Variants in TDRD1 observed in about 807,000 individuals in gnomAD.
TDRD1 encodes the protein tudor domain containing 1, also known as tudor domain-containing protein 1.
TDRD1 carries 37 observed loss-of-function variants against 140.6 expected under a neutral mutation model. The ratio of observed to expected loss-of-function variants is 0.26; its 90% CI spans 0.20 to 0.35. The LOEUF (loss-of-function observed/expected upper bound fraction) is 0.35. Ranked by LOEUF, TDRD1 falls within the 10% of genes least tolerant of loss-of-function variation. TDRD1 has a pLI of 1.00. For synonymous variants in TDRD1, 506 were observed against 475.7 expected, an observed-to-expected ratio of 1.06 and a Z score of -0.83; for missense variants, 1,243 against 1,393.0, an observed-to-expected ratio of 0.89 and a Z score of 1.71.
At chr10:114,195,309 C>T (rs1407109124) in intron 3 of TDRD1, among the ~76,000 whole-genome samples, 1 of 152,108 alleles carries the variant, frequency 6.6e-6, no homozygotes, top group South Asian at 2.1e-4. Flanking sequence ...GAATGTGCCT[C>T]GTCTGTTGTT....
upstream of TDRD1, among the ~76,000 whole-genome samples, chr10:114,177,411 G>A (rs974442731): frequency 2.6e-5 from 4 of 152,090 alleles, no homozygotes; most frequent in African/African-American, 9.7e-5. Flanking sequence ...AATAAAAATG[G>A]CATTTTTACC....
At chr10:114,230,687 T>A (rs1456942690) in intron 25 of TDRD1, among the ~76,000 whole-genome samples, 1 of 152,230 alleles carries the variant, frequency 6.6e-6, no homozygotes, top group African/African-American at 2.4e-5. Flanking sequence ...TGTACATGAT[T>A]GCTTAAGCAT....
intron 4 of TDRD1, among the ~76,000 whole-genome samples, chr10:114,200,871 T>G (rs865972287): frequency 9.1e-6 from 1 of 109,482 alleles, no homozygotes; most frequent in African/African-American, 3.7e-5. Context: ...TTTTTTTTTT[T>G]GAGACAGAGT....
intron 2 of TDRD1, among the ~76,000 whole-genome samples, chr10:114,188,820 G>A (rs1244861438): frequency 1.4e-5 from 2 of 145,078 alleles, no homozygotes; most frequent in South Asian, 2.2e-4. Flanking sequence ...TCGTGCCACT[G>A]TACTCCAGCC....
chr10:114,200,530 A>G (rs1265792829), intron 4 of TDRD1, among the ~76,000 whole-genome samples: 1 of 152,090 alleles, frequency 6.6e-6, no homozygotes, highest in East Asian at 1.9e-4. Context: ...ATACACAGCC[A>G]TTTCAGTCGC....
chr10:114,229,376 G>A (rs76077972), intron 25 of TDRD1, among the ~76,000 whole-genome samples: 13 of 152,020 alleles, frequency 8.6e-5, no homozygotes, highest in South Asian at 2.1e-4. Context: ...GTTTCTTTGC[G>A]TTTTAAGAAA....
At chr10:114,193,585 G>A (rs374721515) in intron 3 of TDRD1, among the ~76,000 whole-genome samples, 13 of 152,260 alleles carry the variant, frequency 8.5e-5, no homozygotes, top group African/African-American at 1.9e-4. Context: ...GTGAGCCACC[G>A]GGACCAGCCA....
chr10:114,177,947 C>G (rs1226771303), upstream of TDRD1, among the ~76,000 whole-genome samples: 1 of 151,484 alleles, frequency 6.6e-6, no homozygotes, highest in East Asian at 1.9e-4. Flanking sequence ...ATTCTCCTGC[C>G]TTAGTTTCCC....
exon 4 of TDRD1, chr10:114,199,211 A>G: frequency 6.2e-7 from 1 of 1,614,058 alleles, no homozygotes; most frequent in Non-Finnish European, 8.5e-7. Flanking sequence ...AATCAAAAAA[A>G]CTAAACAAGT....
At chr10:114,229,627 C>G (rs2036638967) in intron 25 of TDRD1, among the ~76,000 whole-genome samples, 1 of 147,106 alleles carries the variant, frequency 6.8e-6, no homozygotes, top group African/African-American at 2.5e-5. Context: ...CGGCTCACTG[C>G]AAGCTCCACC....
chr10:114,206,621 T>G lies in TDRD1; in HGVS notation c.1384+291T>G, dbSNP rs867251445. Among the ~76,000 whole-genome samples the G allele has an allele frequency of 4.2e-4, 63 of 150,456 alleles. 1 individual carries two copies. Among genetic ancestry groups the G allele is most frequent in the African/African-American group, 1.3e-3 (52 of 40,836 alleles). ...TTAGAGTTAGGGTTTGTTTTTTTTT[T>G]TTTTTTTTTGAGATGGAGTTTCACT... On this transcript the variant is annotated intron_variant, in intron 11 of 25. Coordinates refer to ENST00000251864, the Ensembl canonical transcript of TDRD1.
chr10:114,230,127 G>A (rs11196662), intron 25 of TDRD1, among the ~76,000 whole-genome samples: 1 of 152,078 alleles, frequency 6.6e-6, no homozygotes, highest in Non-Finnish European at 1.5e-5. Flanking sequence ...CACTGCGCCC[G>A]GCCACCAAGT....
At position 114,218,525 on chromosome 10, in the gene TDRD1, G is replaced by A. The variant is rs370338316; in HGVS notation, c.2435G>A (p.Arg812Gln). ...GAAGAAGTTACTGCAGATGAACTCC[G>A]AATGATATCATCAACATTTTTAAAC... Residue 812 changes from arginine (R) to glutamine (Q), a missense_variant, in exon 18 of 26, where the codon CGA becomes CAA. Arg to Gln is a conservative substitution (Grantham distance 43). This residue lies in a region of TDRD1 where 601 missense variants were observed against 734.7 expected (regional missense o/e 0.82). Coordinates refer to ENST00000251864, the Ensembl canonical transcript of TDRD1. The A allele has an allele frequency of 5.1e-5, 83 of 1,611,940 alleles. No individual in the cohort carries two copies. Among genetic ancestry groups the A allele is most frequent in the South Asian group, 8.8e-5 (8 of 90,786 alleles).
chr10:114,201,295 G>A, intron 4 of TDRD1, 115 bp from the exon 5 acceptor site: 1 of 781,142 alleles, frequency 1.3e-6, no homozygotes, highest in Non-Finnish European at 2.1e-6. Flanking sequence ...CTGAACACCT[G>A]ATCCTAAATA....
At chr10:114,220,765 G>A (rs2036091494) in exon 19 of TDRD1, 1 of 1,611,512 alleles carries the variant, frequency 6.2e-7, no homozygotes, top group Non-Finnish European at 8.5e-7. Flanking sequence ...TTTAAAATCT[G>A]CTTCACCACA....
chr10:114,189,131 T>C (rs2033773752), intron 2 of TDRD1, among the ~76,000 whole-genome samples: 1 of 152,214 alleles, frequency 6.6e-6, no homozygotes, highest in Non-Finnish European at 1.5e-5. Flanking sequence ...ACCTGAGTTT[T>C]TCATCGTCAT....
At chr10:114,208,970 G>A (rs1213981367) in intron 11 of TDRD1, among the ~76,000 whole-genome samples, 9 of 151,978 alleles carry the variant, frequency 5.9e-5, no homozygotes, top group Admixed American at 4.6e-4. Flanking sequence ...TTTTAGTAGA[G>A]ACAGTGTTTC....
intron 2 of TDRD1, 115 bp downstream of exon 2, chr10:114,188,271 TTACCG>T (rs1397464696): frequency 1.2e-6 from 1 of 846,076 alleles, no homozygotes; most frequent in Non-Finnish European, 1.8e-6. Flanking sequence ...CATGACTACC[TTACCG>T]TATTTGCATT....
At chr10:114,183,700 CT>C (rs374468967) in intron 1 of TDRD1, among the ~76,000 whole-genome samples, 3,891 of 129,582 alleles carry the variant, frequency 0.03, 35 homozygotes, top group Middle Eastern at 0.057. Context: ...TCACAGTTAA[CT>C]TTTTTTTTTT....
Sources: gnomAD v4.1 joint callset for allele counts (sites outside exome capture counted in the v4.1 genomes callset) on GRCh38, gnomAD v4.1.1 for gene constraint, gnomAD v4.1.1 regional missense constraint, MANE v1.5 for transcripts, NCBI Gene and HGNC (gene_info 2026-07-23, HGNC 2026-07-21) for gene names.